Variants in ADAM10 observed in about 807,000 individuals in gnomAD.
ADAM10 encodes the protein ADAM metallopeptidase domain 10, also known as disintegrin and metalloproteinase domain-containing protein 10.
In ADAM10, 17 loss-of-function variants were observed where a neutral mutation model predicts 90.1. The observed-to-expected ratio is 0.19, with a 90% CI of 0.13 to 0.28. The LOEUF is 0.28. ADAM10 is among the 10% of genes least tolerant of loss of function. The probability of loss-of-function intolerance (pLI) is 1.00; values close to 1 mark genes in which losing one functional copy is unlikely to be tolerated. For synonymous variants in ADAM10, 310 were observed against 298.6 expected (o/e 1.04, Z -0.40); for missense variants, 610 against 914.3 (o/e 0.67, Z 4.29).
chr15:58,728,415 A>G (rs117638237), intron 1 of ADAM10, among the ~76,000 whole-genome samples: 24 of 152,308 alleles, frequency 1.6e-4, no homozygotes, highest in African/African-American at 5.5e-4. Flanking sequence ...TATGTAAACT[A>G]TACCTCAATA....
At chr15:58,691,302 C>T (rs1212485763) in intron 2 of ADAM10, 2 of 1,246,268 alleles carry the variant, frequency 1.6e-6, no homozygotes, top group Middle Eastern at 1.9e-4. Context: ...TGACAGCAGG[C>T]TCTTCCCATC....
intron 2 of ADAM10, among the ~76,000 whole-genome samples, chr15:58,701,972 G>A (rs566386628): frequency 5.9e-5 from 9 of 152,062 alleles, no homozygotes; most frequent in South Asian, 4.2e-4. Context: ...CAGGCGTGGC[G>A]GCGCACACCT....
chr15:58,749,425 C>T, intron 1 of ADAM10, 55 bp downstream of exon 1: 3 of 1,493,408 alleles, frequency 2.0e-6, no homozygotes. Context: ...CCGCTCGGCC[C>T]GGCCGCCGCT....
intron 14 of ADAM10, among the ~76,000 whole-genome samples, chr15:58,608,334 ATAATC>A (rs1191880182): frequency 5.3e-5 from 8 of 152,232 alleles, no homozygotes; most frequent in African/African-American, 1.7e-4. Context: ...GAGCATCCTG[ATAATC>A]TGTATTACTA....
intron 11 of ADAM10, among the ~76,000 whole-genome samples, chr15:58,615,005 T>G (rs1895562923): frequency 6.6e-6 from 1 of 152,196 alleles, no homozygotes; most frequent in Non-Finnish European, 1.5e-5. Context: ...CCGGGTGCAG[T>G]GGCTCACGCC....
Position 58,749,658 on chromosome 15 carries a change from G to A in ADAM10, c.-124C>T, listed in dbSNP as rs1899917457. On this transcript the variant is annotated 5_prime_UTR_variant, in exon 1 of 16. Coordinates refer to ENST00000260408, the MANE Select transcript of ADAM10 (RefSeq NM_001110.4). ...CGGGAAGCCGGGACCTCCCCTGGCA[G>A]GAGAAACGGCGAAGCACCTCCCTCT... 1.6e-5 allele frequency: 24 copies of A among 1,496,842 alleles called. No individual in the cohort carries two copies. The South Asian group carries it at 2.7e-4, about 17-fold the overall frequency. 92.7% of individuals were successfully genotyped at this position (1,496,842 alleles called of 1,614,324 possible). A position where few individuals can be genotyped will look rare whatever the true frequency, so the allele number is the denominator to read the frequency against.
At chr15:58,657,933 C>A (rs961268951) in intron 5 of ADAM10, among the ~76,000 whole-genome samples, 2 of 145,436 alleles carry the variant, frequency 1.4e-5, no homozygotes, top group African/African-American at 2.5e-5. Context: ...CTTTACTATT[C>A]TGGAAAAAAG....
At chr15:58,676,430 A>G (rs1897303078) in intron 4 of ADAM10, 2 of 316,388 alleles carry the variant, frequency 6.3e-6, no homozygotes, top group South Asian at 2.6e-5. Flanking sequence ...TACTGCTGCT[A>G]CTACTACTAC....
intron 1 of ADAM10, among the ~76,000 whole-genome samples, chr15:58,726,247 C>A (rs779776224): frequency 2.6e-5 from 4 of 152,010 alleles, no homozygotes; most frequent in Non-Finnish European, 4.4e-5. Context: ...TGAACAACCT[C>A]TAAAAAATAC....
intron 2 of ADAM10, among the ~76,000 whole-genome samples, chr15:58,699,729 T>C (rs1234117402): frequency 1.3e-5 from 2 of 152,018 alleles, no homozygotes; most frequent in African/African-American, 2.4e-5. Flanking sequence ...CCATGTGTGA[T>C]TGCACCACTG....
intron 4 of ADAM10, among the ~76,000 whole-genome samples, chr15:58,668,018 G>C (rs1368670830): frequency 6.6e-6 from 1 of 152,028 alleles, no homozygotes; most frequent in Non-Finnish European, 1.5e-5. Context: ...GATCTCTCTG[G>C]AAACAGAGAT....
intron 14 of ADAM10, among the ~76,000 whole-genome samples, chr15:58,603,007 C>T (rs1895157001): frequency 6.6e-6 from 1 of 152,190 alleles, no homozygotes; most frequent in Non-Finnish European, 1.5e-5. Context: ...GTGTAGAATA[C>T]ACAAAACATG....
chr15:58,666,332 G>T (rs1897082796), intron 4 of ADAM10, among the ~76,000 whole-genome samples: 1 of 151,204 alleles, frequency 6.6e-6, no homozygotes, highest in Non-Finnish European at 1.5e-5. Context: ...AACTATGAAA[G>T]AGAGAAGCTC....
intron 2 of ADAM10, chr15:58,686,287 G>A: frequency 1.7e-6 from 1 of 586,578 alleles, no homozygotes; most frequent in Non-Finnish European, 3.0e-6. Flanking sequence ...TCATTTAATA[G>A]AGAACCCAGA....
chr15:58,730,682 G>A (rs530327672), intron 1 of ADAM10, among the ~76,000 whole-genome samples: 1 of 152,144 alleles, frequency 6.6e-6, no homozygotes, highest in Non-Finnish European at 1.5e-5. Context: ...CTAGAGAGCT[G>A]GTAAAGCATT....
intron 2 of ADAM10, among the ~76,000 whole-genome samples, chr15:58,716,027 GAAGAA>G (rs1316668129): frequency 6.6e-6 from 1 of 152,052 alleles, no homozygotes; most frequent in Non-Finnish European, 1.5e-5. Context: ...TGTTTATCTA[GAAGAA>G]AAGACCCTGA....
rs542613720 is a variant in ADAM10 at position 58,716,574 on chromosome 15, GAAT to G, written c.206+1000_206+1002del. ...TGGCAAGTAAAACAAAGTAAGTTTA[GAAT>G]AATAGACTAGGATTAATTTACAGAG... On this transcript the variant is annotated intron_variant, in intron 2 of 15. Transcript: ENST00000260408. 9.9e-5 allele frequency among the ~76,000 whole-genome samples: 15 copies of G among 152,170 alleles called. No homozygotes were observed. The East Asian group carries it at 2.9e-3, about 29-fold the overall frequency.
chr15:58,733,761 A>G (rs1399421871), intron 1 of ADAM10, among the ~76,000 whole-genome samples: 1 of 151,956 alleles, frequency 6.6e-6, no homozygotes, highest in Non-Finnish European at 1.5e-5. Context: ...TTGCATATTT[A>G]AATCTTTTAT....
intron 11 of ADAM10, among the ~76,000 whole-genome samples, chr15:58,619,777 G>A (rs182207458): frequency 9.2e-5 from 14 of 151,966 alleles, no homozygotes; most frequent in East Asian, 5.8e-4. Flanking sequence ...GGTGGCGGGC[G>A]CCTGTAGTCC....
Sources: allele counts gnomAD v4.1 joint callset (sites outside exome capture counted in the v4.1 genomes callset), GRCh38; gene constraint gnomAD v4.1.1; transcripts MANE v1.5; gene names NCBI Gene and HGNC (gene_info 2026-07-23, HGNC 2026-07-21).